Variants in ARSB observed in about 807,000 individuals in gnomAD.
ARSB encodes the protein N-acetylgalactosamine-4-sulfatase.
In ARSB, 41 loss-of-function variants were observed where a neutral mutation model predicts 50.9. The observed-to-expected ratio is 0.81, with a 90% CI of 0.63 to 1.04. ARSB has a LOEUF of 1.04. ARSB is among the 50% of genes least tolerant of loss of function. The pLI is 0.00. For synonymous variants in ARSB, 269 were observed against 284.8 expected (o/e 0.94, Z 0.56); for missense variants, 672 against 693.3 (o/e 0.97, Z 0.35).
At chr5:78,958,543 T>C (rs1350643933) in intron 3 of ARSB, among the ~76,000 whole-genome samples, 1 of 152,340 alleles carries the variant, frequency 6.6e-6, no homozygotes, top group Non-Finnish European at 1.5e-5. Context: ...AAATCTTTCC[T>C]ATAATTATTC....
At chr5:78,884,517 G>A (rs1286817538) in intron 5 of ARSB, 1 of 151,574 alleles carries the variant, frequency 6.6e-6, no homozygotes, top group Non-Finnish European at 1.5e-5. Flanking sequence ...TACCTGGAGT[G>A]GGATGAAGAG....
chr5:78,958,886 C>T (rs1751854629), intron 3 of ARSB, among the ~76,000 whole-genome samples: 1 of 152,306 alleles, frequency 6.6e-6, no homozygotes, highest in South Asian at 2.1e-4. Context: ...TTAAACATAC[C>T]TTTCCCAAAA....
intron 6 of ARSB, among the ~76,000 whole-genome samples, chr5:78,788,833 G>A (rs918412428): frequency 1.3e-5 from 2 of 152,116 alleles, no homozygotes; most frequent in African/African-American, 4.8e-5. Context: ...GTTTCCCTAC[G>A]TTACCTGGCT....
intron 5 of ARSB, among the ~76,000 whole-genome samples, chr5:78,867,461 C>A (rs1746832282): frequency 6.6e-6 from 1 of 152,238 alleles, no homozygotes; most frequent in South Asian, 2.1e-4. Flanking sequence ...CAGCACGCAG[C>A]TGGAGATCTG....
chr5:78,951,544 T>C (rs1416532007), intron 4 of ARSB, among the ~76,000 whole-genome samples: 1 of 151,992 alleles, frequency 6.6e-6, no homozygotes, highest in Non-Finnish European at 1.5e-5. Context: ...AAAAGCTGAA[T>C]CAGGGATTCA....
chr5:78,802,354 CAT>C (rs1226112874), intron 6 of ARSB, among the ~76,000 whole-genome samples: 2 of 151,584 alleles, frequency 1.3e-5, no homozygotes, highest in African/African-American at 4.8e-5. Context: ...ATATTTAATA[CAT>C]GTCTCCCTAG....
At chr5:78,919,497 A>C (rs1749705239) in intron 4 of ARSB, among the ~76,000 whole-genome samples, 1 of 151,788 alleles carries the variant, frequency 6.6e-6, no homozygotes, top group Non-Finnish European at 1.5e-5. Context: ...TTATTTATTT[A>C]TTTATTTATT....
chr5:78,797,806 C>A (rs2112640884), intron 6 of ARSB, among the ~76,000 whole-genome samples: 1 of 152,276 alleles, frequency 6.6e-6, no homozygotes, highest in Non-Finnish European at 1.5e-5. Flanking sequence ...TGCCTTGTCT[C>A]CACTTCTTCT....
intron 4 of ARSB, among the ~76,000 whole-genome samples, chr5:78,938,513 T>C (rs979478231): frequency 1.3e-5 from 2 of 152,246 alleles, no homozygotes; most frequent in African/African-American, 2.4e-5. Flanking sequence ...CACTGATTTA[T>C]TCACATAACA....
Position 78,985,286 on chromosome 5 carries a change from C to A in ARSB, c.-38G>T. ...GCGGTCCCAGCGCCTGTGGCGCCAC[C>A]AGCCCCTTGTACCGCTGATAGAATG... On this transcript the variant is annotated 5_prime_UTR_variant, in exon 1 of 8. Coordinates refer to ENST00000264914, the MANE Select transcript of ARSB (RefSeq NM_000046.5). The A allele has an allele frequency of 7.8e-7, 1 of 1,288,292 alleles. No homozygotes were observed. 79.8% of individuals were successfully genotyped at this position (1,288,292 alleles called of 1,614,324 possible). A position where few individuals can be genotyped will look rare whatever the true frequency, so the allele number is the denominator to read the frequency against.
chr5:78,926,118 T>A (rs1446062519), intron 4 of ARSB, among the ~76,000 whole-genome samples: 1 of 152,180 alleles, frequency 6.6e-6, no homozygotes, highest in Non-Finnish European at 1.5e-5. Flanking sequence ...GGATCCTGAA[T>A]AACATATTCA....
intron 4 of ARSB, among the ~76,000 whole-genome samples, chr5:78,923,589 G>C (rs1749922075): frequency 6.6e-6 from 1 of 152,244 alleles, no homozygotes; most frequent in African/African-American, 2.4e-5. Context: ...ATGGATCACA[G>C]TCCCTTAAGC....
intron 4 of ARSB, among the ~76,000 whole-genome samples, chr5:78,926,144 A>C (rs1450931843): frequency 6.6e-6 from 1 of 152,096 alleles, no homozygotes; most frequent in South Asian, 2.1e-4. Context: ...CCACAATCCT[A>C]TTTGTTGTAT....
chr5:78,939,642 T>C (rs1055842915), intron 4 of ARSB, among the ~76,000 whole-genome samples: 1 of 152,220 alleles, frequency 6.6e-6, no homozygotes, highest in African/African-American at 2.4e-5. Flanking sequence ...AAGTATTCCA[T>C]GGTGTGTATG....
intron 4 of ARSB, among the ~76,000 whole-genome samples, chr5:78,909,146 T>G (rs1200429803): frequency 6.6e-6 from 1 of 152,206 alleles, no homozygotes; most frequent in Admixed American, 6.5e-5. Flanking sequence ...TGCAAAAGGT[T>G]TCTGGGTCAA....
intron 4 of ARSB, among the ~76,000 whole-genome samples, chr5:78,888,889 T>C (rs1015556819): frequency 1.3e-5 from 2 of 152,260 alleles, no homozygotes; most frequent in Non-Finnish European, 2.9e-5. Context: ...AGCGATTCTA[T>C]CAACAGTTAT....
intron 1 of ARSB, among the ~76,000 whole-genome samples, chr5:78,970,595 G>C (rs1381955265): frequency 6.6e-6 from 1 of 152,106 alleles, no homozygotes; most frequent in African/African-American, 2.4e-5. Context: ...TCATTGCCAT[G>C]AGGAAAAGTA....
At chr5:78,823,773 A>G (rs1419489761) in intron 6 of ARSB, among the ~76,000 whole-genome samples, 1 of 152,240 alleles carries the variant, frequency 6.6e-6, no homozygotes, top group Admixed American at 6.5e-5. Context: ...TTTTCAGCAA[A>G]TGCATCATGT....
chr5:78,839,690 A>G (rs149847839), intron 5 of ARSB, among the ~76,000 whole-genome samples: 78 of 152,310 alleles, frequency 5.1e-4, no homozygotes, highest in African/African-American at 1.8e-3. Context: ...CCTTTGAAAT[A>G]AATATTGTGG....
Sources: gnomAD v4.1 joint callset for allele counts (sites outside exome capture counted in the v4.1 genomes callset) on GRCh38, gnomAD v4.1.1 for gene constraint, MANE v1.5 for transcripts, NCBI Gene and HGNC (gene_info 2026-07-23, HGNC 2026-07-21) for gene names.